ASRGL1: variants seen among roughly 807,000 people sequenced by gnomAD.
ASRGL1 encodes the protein isoaspartyl peptidase/L-asparaginase.
ASRGL1 carries 16 observed loss-of-function variants against 22.4 expected under a neutral mutation model. The ratio of observed to expected loss-of-function variants is 0.71; its 90% confidence interval spans 0.48 to 1.08. The LOEUF (loss-of-function observed/expected upper bound fraction) is 1.08. ASRGL1 is among the 50% of genes least tolerant of loss of function. The probability of loss-of-function intolerance (pLI) is 0.00; values close to 1 mark genes in which losing one functional copy is unlikely to be tolerated. For missense variants in ASRGL1, 412 were observed against 410.1 expected, an observed-to-expected ratio of 1.00 and a Z score of -0.04; for synonymous variants, 165 against 159.3, an observed-to-expected ratio of 1.04 and a Z score of -0.27.
chr11:62,377,404 A>T, intron 4 of ASRGL1, among the ~76,000 whole-genome samples: 1 of 152,164 alleles, frequency 6.6e-6, no homozygotes, highest in East Asian at 1.9e-4. Flanking sequence ...TACAATATTA[A>T]TAGGTTGATT....
chr11:62,368,898 T>A (rs533215436), intron 4 of ASRGL1, among the ~76,000 whole-genome samples: 38 of 152,202 alleles, frequency 2.5e-4, no homozygotes, highest in Non-Finnish European at 4.7e-4. Flanking sequence ...CCTATCTCAG[T>A]AAATAGAACA....
intron 4 of ASRGL1, among the ~76,000 whole-genome samples, chr11:62,375,732 G>A (rs934843159): frequency 6.6e-6 from 1 of 151,446 alleles, no homozygotes; most frequent in East Asian, 1.9e-4. Context: ...AATTAAGGGC[G>A]GGAAAGCCAC....
chr11:62,358,623 C>G (rs150618885), intron 4 of ASRGL1, among the ~76,000 whole-genome samples: 1 of 152,284 alleles, frequency 6.6e-6, no homozygotes, highest in East Asian at 1.9e-4. Context: ...ACCCTCATAC[C>G]ATAAACACAC....
At chr11:62,367,407 A>T (rs1462311055) in intron 4 of ASRGL1, among the ~76,000 whole-genome samples, 1 of 151,346 alleles carries the variant, frequency 6.6e-6, no homozygotes, top group East Asian at 1.9e-4. Flanking sequence ...GCAGTTTGGG[A>T]GGCTGAGGTG....
Position 62,392,161 on chromosome 11 carries a change from T to A in ASRGL1, c.804T>A (p.Val268=). The A allele has an allele frequency of 6.2e-7, 1 of 1,614,180 alleles. No individual in the cohort carries two copies. Among genetic ancestry groups the A allele is most frequent in the Non-Finnish European group, 8.5e-7 (1 of 1,180,024 alleles). Residue 268 remains valine (V), a synonymous_variant, in exon 7 of 7, where the codon GTT becomes GTA. Coordinates refer to ENST00000415229, the MANE Select transcript of ASRGL1 (RefSeq NM_001083926.2). ...AAGGTTTAGGTGGCCTCATCGTGGT[T>A]AGCAAAACAGGAGACTGGGTGGCAA... ...RVKGLGGLIV[V]SKTGDWVAKW...
At chr11:62,345,284 CAGGGT>C (rs1565152747) in intron 2 of ASRGL1, among the ~76,000 whole-genome samples, 1 of 152,014 alleles carries the variant, frequency 6.6e-6, no homozygotes, top group African/African-American at 2.4e-5. Context: ...TTGAGGAACT[CAGGGT>C]TGTTTTTTGT....
At chr11:62,377,962 G>A (rs1385022441) in intron 4 of ASRGL1, among the ~76,000 whole-genome samples, 1 of 152,106 alleles carries the variant, frequency 6.6e-6, no homozygotes, top group African/African-American at 2.4e-5. Flanking sequence ...ATTTATTTGT[G>A]CTGGTTGAAT....
downstream of ASRGL1, among the ~76,000 whole-genome samples, chr11:62,395,937 A>G (rs1051031594): frequency 6.6e-6 from 1 of 151,124 alleles, no homozygotes; most frequent in Admixed American, 6.6e-5. Flanking sequence ...ATGCCTGCCT[A>G]ATTTTTTTGT....
At chr11:62,351,466 A>G (rs77112899) in intron 2 of ASRGL1, among the ~76,000 whole-genome samples, 2 of 152,060 alleles carry the variant, frequency 1.3e-5, no homozygotes, top group Non-Finnish European at 2.9e-5. Context: ...CCTGGCCAAC[A>G]TGGTGAAACG....
chr11:62,354,403 A>T (rs1946231284), intron 2 of ASRGL1, among the ~76,000 whole-genome samples: 1 of 152,050 alleles, frequency 6.6e-6, no homozygotes, highest in Non-Finnish European at 1.5e-5. Context: ...TTTTTTTTTC[A>T]TACATACATA....
At chr11:62,393,761 C>G (rs868346182), downstream of ASRGL1, among the ~76,000 whole-genome samples, 7 of 152,094 alleles carry the variant, frequency 4.6e-5, no homozygotes, top group South Asian at 4.1e-4. Flanking sequence ...CACGATTCCA[C>G]AGACTAAGTG....
chr11:62,380,568 A>T (rs11231065), intron 4 of ASRGL1, among the ~76,000 whole-genome samples: 117,131 of 151,968 alleles, frequency 0.77, 45,434 homozygotes, highest in South Asian at 0.84. Flanking sequence ...CAGCCCTATT[A>T]CTTCAGACCT....
At chr11:62,367,779 T>C (rs1436130331) in intron 4 of ASRGL1, among the ~76,000 whole-genome samples, 1 of 150,198 alleles carries the variant, frequency 6.7e-6, no homozygotes, top group Admixed American at 6.6e-5. Context: ...CCATCTCTAC[T>C]AAAAATACAA....
intron 4 of ASRGL1, among the ~76,000 whole-genome samples, chr11:62,384,375 C>T (rs1054103695): frequency 1.3e-5 from 2 of 151,870 alleles, no homozygotes; most frequent in Admixed American, 1.3e-4. Flanking sequence ...TGTGGTGGTA[C>T]ACGCCTGTAA....
chr11:62,389,143 A>G lies in ASRGL1; in HGVS notation c.502A>G (p.Thr168Ala), dbSNP rs1301049443. The change falls in exon 5 of 7, where the codon ACC (threonine) becomes GCC (alanine). Residue 168 changes from threonine to alanine, a missense_variant. Transcript: ENST00000415229. Reference protein sequence around the residue: ...QKTDCQKNLGTVGAVALDCKG... With the variant: ...QKTDCQKNLGAVGAVALDCKG... ...GTTTATTTTTGGCAGAAACTTGGGA[A>G]CCGTGGGTGCTGTTGCCTTGGACTG... is the stretch of plus-strand genomic sequence containing the variant. The G allele has an allele frequency of 6.2e-7, 1 of 1,609,146 alleles. No homozygotes were observed. The highest frequency in any genetic ancestry group is 1.7e-5 in the Admixed American group (1 of 59,830).
chr11:62,349,236 G>T (rs1299099334), intron 2 of ASRGL1, among the ~76,000 whole-genome samples: 3 of 152,098 alleles, frequency 2.0e-5, no homozygotes, highest in Non-Finnish European at 1.5e-5. Context: ...CAGAGTGCTG[G>T]GATTACCGGC....
At chr11:62,354,787 G>T (rs1030914007) in intron 2 of ASRGL1, among the ~76,000 whole-genome samples, 1 of 152,116 alleles carries the variant, frequency 6.6e-6, no homozygotes, top group African/African-American at 2.4e-5. Flanking sequence ...CAGAAGCAAG[G>T]CTGTGGATAA....
intron 5 of ASRGL1, 128 bp from the exon 6 acceptor site, chr11:62,391,394 C>A: frequency 7.4e-7 from 1 of 1,357,952 alleles, no homozygotes; most frequent in South Asian, 1.5e-5. Flanking sequence ...CAGATCATGG[C>A]TACTAACCTG....
chr11:62,357,224 C>CTTTTGTTCTG, intron 4 of ASRGL1, 80 bp downstream of exon 4: 1 of 726,128 alleles, frequency 1.4e-6, no homozygotes, highest in East Asian at 3.1e-5. Context: ...ATCTACAGTT[C>CTTTTGTTCTG]TTTTGTTTTG....
Sources: allele counts gnomAD v4.1 joint callset (sites outside exome capture counted in the v4.1 genomes callset), GRCh38; gene constraint gnomAD v4.1.1; transcripts MANE v1.5; gene names NCBI Gene and HGNC (gene_info 2026-07-23, HGNC 2026-07-21).